MAP7D2: variants seen among roughly 807,000 people sequenced by gnomAD.
The protein encoded by MAP7D2 is MAP7 domain-containing protein 2.
Under a neutral mutation model 63.5 loss-of-function variants are expected in MAP7D2, and 33 were observed. The ratio of observed to expected loss-of-function variants is 0.52; its 90% CI spans 0.39 to 0.70. The LOEUF is 0.70. MAP7D2 is among the 30% of genes least tolerant of loss of function. MAP7D2 has a pLI of 0.00. For synonymous variants in MAP7D2, 224 were observed against 223.7 expected, an observed-to-expected ratio of 1.00 and a Z score of -0.01; for missense variants, 626 against 604.0, an observed-to-expected ratio of 1.04 and a Z score of -0.38.
rs144116558 is a variant in MAP7D2 at position 20,083,085 on chromosome X, C to T, written c.131-18280G>A. Among the ~76,000 whole-genome samples the T allele has an allele frequency of 7.9e-4, 89 of 112,285 alleles. No homozygotes were observed. In the Middle Eastern group the frequency reaches 0.018, roughly 23 times the overall value. ...ATCTAACCCACCTCCAGCCTCTAAC[C>T]GCATCCCTGCTAAAACCCTCTTTGG... is the stretch of plus-strand genomic sequence containing the variant. On this transcript the variant is annotated intron_variant, in intron 1 of 16. Coordinates refer to ENST00000379643, the MANE Select transcript of MAP7D2 (RefSeq NM_001168465.2).
rs774439177 is a variant in MAP7D2 at position 20,086,320 on chromosome X, CTCCCATTTCAGCTACACGG to C, written c.131-21534_131-21516del. On this transcript the variant is annotated intron_variant, in intron 1 of 16. Transcript: ENST00000379643. ...GGGCTGGGCCCACGGGAACCCTGTC[CTCCCATTTCAGCTACACGG>C]TCCCATTTCAGCTACACGGTCCCAT... is the stretch of plus-strand genomic sequence containing the variant. 4.2e-4 allele frequency among the ~76,000 whole-genome samples: 47 copies of C among 111,992 alleles called. 1 individual carries two copies. The highest frequency in any genetic ancestry group is 1.1e-3 in the South Asian group (3 of 2,686).
chrX:20,064,095 G>T (rs1230718580), intron 2 of MAP7D2, among the ~76,000 whole-genome samples: 1 of 111,956 alleles, frequency 8.9e-6, no homozygotes, highest in Non-Finnish European at 1.9e-5. Flanking sequence ...TTACTAAGGG[G>T]CCCTTAATTC....
At chrX:20,053,053 T>A in intron 4 of MAP7D2, 65 bp from the exon 5 acceptor site, 1 of 807,620 alleles carries the variant, frequency 1.2e-6, no homozygotes, top group Non-Finnish European at 1.9e-6. Context: ...GAAACACATA[T>A]CCCGAAGTGT....
At chrX:20,099,773 A>C (rs1441640239) in intron 1 of MAP7D2, among the ~76,000 whole-genome samples, 1 of 112,306 alleles carries the variant, frequency 8.9e-6, no homozygotes, top group African/African-American at 3.2e-5. Context: ...AGGGTCCAAG[A>C]TCAGACTCCC....
intron 1 of MAP7D2, among the ~76,000 whole-genome samples, chrX:20,068,178 G>C (rs1403280871): frequency 8.9e-6 from 1 of 112,398 alleles, no homozygotes; most frequent in Non-Finnish European, 1.9e-5. Context: ...TGGTAGCCAT[G>C]AGCTATACAT....
At chrX:20,036,814 G>C (rs1238334724) in intron 8 of MAP7D2, among the ~76,000 whole-genome samples, 1 of 94,495 alleles carries the variant, frequency 1.1e-5, no homozygotes, top group Admixed American at 1.3e-4. Context: ...TGAGGCAGGA[G>C]AATCACTTGA....
At chrX:20,052,580 A>G (rs923145076) in intron 5 of MAP7D2, among the ~76,000 whole-genome samples, 1 of 112,659 alleles carries the variant, frequency 8.9e-6, no homozygotes, top group Non-Finnish European at 1.9e-5. Flanking sequence ...CCACTGGTTA[A>G]TTAATTCCTG....
rs79227323 is a variant in MAP7D2, at chrX:20,085,057, C to A, written c.131-20252G>T. 2.9e-4 allele frequency among the ~76,000 whole-genome samples: 32 copies of A among 111,933 alleles called. No individual in the cohort carries two copies. In the East Asian group the frequency reaches 8.5e-3, roughly 30 times the overall value. ...GGGAAGGCTTACTTGGCCAGGCAACCCTGCTCAACAGGCCACCCTGAGGAG... is the reference window on the plus strand; with the variant it reads ...GGGAAGGCTTACTTGGCCAGGCAACACTGCTCAACAGGCCACCCTGAGGAG... On this transcript the variant is annotated intron_variant, in intron 1 of 16. Transcript: ENST00000379643.
intron 8 of MAP7D2, among the ~76,000 whole-genome samples, chrX:20,032,311 T>C (rs1202664594): frequency 8.9e-6 from 1 of 111,811 alleles, no homozygotes. Context: ...TAGAGAATGA[T>C]GTGGTGGCAA....
At chrX:20,036,598 T>TAA (rs1460533200) in intron 8 of MAP7D2, among the ~76,000 whole-genome samples, 1 of 105,605 alleles carries the variant, frequency 9.5e-6, no homozygotes, top group African/African-American at 3.4e-5. Context: ...GAAACTAAAA[T>TAA]AAAAGTTTTT....
chrX:20,012,413 C>T lies in MAP7D2; in HGVS notation c.2008G>A (p.Ala670Thr). ...AGGCTATTTGATTTCCCATCAAGGG[C>T]ATCCAGATGAATGAGTCCCCCAGCT... ...KPAGGLIHLD[A>T]LDGKSNSLDD... Residue 670 changes from alanine (A) to threonine (T), a missense_variant, in exon 15 of 17, where the codon GCC becomes ACC. Transcript: ENST00000379643. 1 of 1,209,354 alleles carries T rather than the reference C, an allele frequency of 8.3e-7. No homozygotes were observed. Among genetic ancestry groups the T allele is most frequent in the Non-Finnish European group, 1.1e-6 (1 of 893,918 alleles).
chrX:20,102,261 A>G (rs1017440172), intron 1 of MAP7D2, among the ~76,000 whole-genome samples: 4 of 111,945 alleles, frequency 3.6e-5, no homozygotes, highest in Non-Finnish European at 7.5e-5. Flanking sequence ...AATGAATAAG[A>G]AGGGAAAAAA....
chrX:20,058,399 C>T (rs1199872968), intron 3 of MAP7D2, among the ~76,000 whole-genome samples: 1 of 112,234 alleles, frequency 8.9e-6, no homozygotes, highest in African/African-American at 3.2e-5. Context: ...GGGTGGGTTA[C>T]GGTAGATTTC....
At chrX:20,092,686 C>G (rs910207282) in intron 1 of MAP7D2, among the ~76,000 whole-genome samples, 3 of 112,053 alleles carry the variant, frequency 2.7e-5, no homozygotes, top group Non-Finnish European at 5.6e-5. Context: ...TGCCTTTTCT[C>G]TAATTAATCT....
chrX:20,039,414 G>A (rs897840236), intron 8 of MAP7D2, among the ~76,000 whole-genome samples: 1 of 112,109 alleles, frequency 8.9e-6, no homozygotes, highest in Non-Finnish European at 1.9e-5. Flanking sequence ...TTGGGTTGGG[G>A]ATTGGTATGC....
At chrX:20,094,712 G>C in intron 1 of MAP7D2, among the ~76,000 whole-genome samples, 1 of 100,259 alleles carries the variant, frequency 1.0e-5, no homozygotes, top group East Asian at 3.2e-4. Context: ...AAGTAGCTGA[G>C]ATTACAGGCA....
intron 8 of MAP7D2, among the ~76,000 whole-genome samples, chrX:20,031,601 T>C (rs2074053883): frequency 2.7e-5 from 3 of 110,395 alleles, no homozygotes; most frequent in African/African-American, 3.3e-5. Context: ...ACCCCATCTC[T>C]AATAAAAACA....
chrX:20,100,113 C>T (rs1188234764), intron 1 of MAP7D2, among the ~76,000 whole-genome samples: 1 of 112,165 alleles, frequency 8.9e-6, no homozygotes, highest in African/African-American at 3.2e-5. Flanking sequence ...CATCCAAGGA[C>T]CTTTTATTAA....
At chrX:20,042,432 G>A in intron 8 of MAP7D2, 70 bp downstream of exon 8, 6 of 1,156,436 alleles carry the variant, frequency 5.2e-6, no homozygotes, top group Non-Finnish European at 7.1e-6. Context: ...CTGCAACACT[G>A]GATGGCACAA....
Sources: gnomAD v4.1 joint callset for allele counts (sites outside exome capture counted in the v4.1 genomes callset) on GRCh38, gnomAD v4.1.1 for gene constraint, MANE v1.5 for transcripts, NCBI Gene and HGNC (gene_info 2026-07-23, HGNC 2026-07-21) for gene names.